Variants in TENM1 observed in about 807,000 individuals in gnomAD.
TENM1 encodes the protein teneurin-1.
Under a neutral mutation model 174.8 loss-of-function variants are expected in TENM1, and 35 were observed. The observed-to-expected ratio is 0.20, with a 90% CI of 0.15 to 0.27. TENM1 has a LOEUF of 0.27. TENM1 is among the 10% of genes least tolerant of loss of function. The pLI, the probability that TENM1 is intolerant of heterozygous loss-of-function variation, is 1.00. For synonymous variants in TENM1, 781 were observed against 798.7 expected (o/e 0.98, Z 0.37); for missense variants, 1,633 against 2,130.1 (o/e 0.77, Z 4.59).
exon 32 of TENM1, chrX:124,376,774 T>TTTTTGTTTTGTTTTG (rs1041912391): frequency 1.3e-4 from 14 of 111,396 alleles, no homozygotes; most frequent in Non-Finnish European, 2.6e-4. Flanking sequence ...TTTTTTGTTT[T>TTTTTGTTTTGTTTTG]TTTTGTTTTG....
the TENM1 span, among the ~76,000 whole-genome samples, chrX:125,130,034 T>C: frequency 2.7e-5 from 3 of 111,695 alleles, no homozygotes; most frequent in Non-Finnish European, 3.8e-5. Context: ...CTATAACTCC[T>C]TACAGTTGAA....
At chrX:124,756,309 C>T (rs1463773877) in intron 3 of TENM1, among the ~76,000 whole-genome samples, 53 of 100,036 alleles carry the variant, frequency 5.3e-4, no homozygotes, top group South Asian at 2.3e-3. Context: ...GCATTCTTCA[C>T]GTAGTTCTCG....
chrX:124,882,696 C>A (rs909492056), intron 3 of TENM1, among the ~76,000 whole-genome samples: 3 of 111,881 alleles, frequency 2.7e-5, no homozygotes, highest in Non-Finnish European at 5.6e-5. Context: ...TAATGTGATG[C>A]CTCCAGCTTC....
intron 11 of TENM1, among the ~76,000 whole-genome samples, chrX:124,609,205 G>C (rs759532051): frequency 2.7e-5 from 3 of 111,539 alleles, no homozygotes; most frequent in Non-Finnish European, 5.7e-5. Context: ...GATCGTACAA[G>C]TTGGCAGATC....
intron 5 of TENM1, among the ~76,000 whole-genome samples, chrX:124,686,795 C>G (rs898565768): frequency 8.9e-6 from 1 of 111,836 alleles, no homozygotes; most frequent in Non-Finnish European, 1.9e-5. Flanking sequence ...CTATTTATGA[C>G]AAATCCACAG....
chrX:125,046,803 G>C, the TENM1 span, among the ~76,000 whole-genome samples: 5 of 110,035 alleles, frequency 4.5e-5, no homozygotes, highest in African/African-American at 1.7e-4. Context: ...ACTGATAGCA[G>C]ATTTACTCAT....
intron 22 of TENM1, among the ~76,000 whole-genome samples, chrX:124,478,817 A>G (rs2046787327): frequency 8.9e-6 from 1 of 112,583 alleles, no homozygotes; most frequent in African/African-American, 3.2e-5. Flanking sequence ...GGGTAGTTTT[A>G]AAGCAAAAAA....
chrX:125,064,338 A>T, the TENM1 span, among the ~76,000 whole-genome samples: 6 of 112,085 alleles, frequency 5.4e-5, no homozygotes, highest in Non-Finnish European at 1.1e-4. Flanking sequence ...AAATTAAAAA[A>T]AAGAAAGATA....
the TENM1 span, among the ~76,000 whole-genome samples, chrX:125,102,026 G>A: frequency 8.9e-6 from 1 of 111,842 alleles, no homozygotes; most frequent in Non-Finnish European, 1.9e-5. Context: ...ACACCATACA[G>A]TGCAATGAAG....
At chrX:124,577,147 A>G (rs749759992) in intron 11 of TENM1, among the ~76,000 whole-genome samples, 3 of 111,704 alleles carry the variant, frequency 2.7e-5, no homozygotes, top group Non-Finnish European at 5.6e-5. Flanking sequence ...TTAGAACGCT[A>G]ACTCTAACTG....
the TENM1 span, among the ~76,000 whole-genome samples, chrX:125,057,909 G>C: frequency 8.9e-6 from 1 of 111,982 alleles, no homozygotes; most frequent in Non-Finnish European, 1.9e-5. Context: ...TTCCTCCAGA[G>C]GGAGCTTCAT....
At chrX:125,047,507 G>A in the TENM1 span, among the ~76,000 whole-genome samples, 4 of 111,230 alleles carry the variant, frequency 3.6e-5, no homozygotes, top group African/African-American at 1.3e-4. Context: ...AAGTGAGAAC[G>A]CATTAATTCT....
intron 3 of TENM1, among the ~76,000 whole-genome samples, chrX:124,775,875 T>C (rs944342575): frequency 9.0e-6 from 1 of 111,596 alleles, no homozygotes. Flanking sequence ...ACAGTATTCA[T>C]GGGATGCCAA....
rs746870116 is a variant in TENM1 at position 124,539,982 on chromosome X, C to T, written c.2651+6892G>A. 3.6e-5 allele frequency among the ~76,000 whole-genome samples: 4 copies of T among 112,128 alleles called. No homozygotes were observed. In the East Asian group the frequency reaches 8.4e-4, roughly 23 times the overall value. On this transcript the variant is annotated intron_variant, in intron 15 of 31. Coordinates refer to ENST00000422452, the Ensembl canonical transcript of TENM1. ...TCTAATTTGCCAGAATACTTCTTGT[C>T]TTACAGGGCTACCTGTCTTCCCCAT...
At chrX:124,772,498 T>A (rs1024572892) in intron 3 of TENM1, among the ~76,000 whole-genome samples, 6 of 112,070 alleles carry the variant, frequency 5.4e-5, no homozygotes, top group African/African-American at 1.9e-4. Context: ...ACTAGTACTG[T>A]CAAAAGTTTT....
the TENM1 span, among the ~76,000 whole-genome samples, chrX:125,024,524 C>G: frequency 2.7e-5 from 3 of 110,990 alleles, no homozygotes; most frequent in Non-Finnish European, 3.8e-5. Context: ...CACACATTCT[C>G]ACTTATAAGT....
chrX:124,888,538 T>G (rs953318015), intron 3 of TENM1, among the ~76,000 whole-genome samples: 1 of 111,875 alleles, frequency 8.9e-6, no homozygotes, highest in Admixed American at 9.5e-5. Flanking sequence ...AATGTTGTAT[T>G]ATTTAAAATA....
At chrX:125,192,472 G>T in the TENM1 span, among the ~76,000 whole-genome samples, 1 of 111,896 alleles carries the variant, frequency 8.9e-6, no homozygotes, top group African/African-American at 3.2e-5. Context: ...GATCATCCTG[G>T]TTGCCGTGTG....
chrX:124,911,230 G>C (rs992530067), intron 1 of TENM1, among the ~76,000 whole-genome samples: 1 of 111,415 alleles, frequency 9.0e-6, no homozygotes, highest in Admixed American at 9.6e-5. Flanking sequence ...ATTTTTAATA[G>C]AGCACTTCAA....
Sources: allele counts gnomAD v4.1 joint callset (sites outside exome capture counted in the v4.1 genomes callset), GRCh38; gene constraint gnomAD v4.1.1; transcripts MANE v1.5; gene names NCBI Gene and HGNC (gene_info 2026-07-23, HGNC 2026-07-21).